ANGPT2: variants seen among roughly 807,000 people sequenced by gnomAD.
ANGPT2 encodes angiopoietin 2.
In ANGPT2, 28 loss-of-function variants were observed where a neutral mutation model predicts 62.9. That is an observed-to-expected ratio of 0.44 (90% CI 0.33 to 0.61). The LOEUF is 0.61. ANGPT2 is among the 20% of genes least tolerant of loss of function. The pLI is 0.03. For missense variants in ANGPT2, 727 were observed against 594.9 expected (o/e 1.22, Z -2.31); for synonymous variants, 284 against 207.8 (o/e 1.37, Z -3.15).
intron 7 of ANGPT2, among the ~76,000 whole-genome samples, chr8:6,510,247 G>A (rs540694405): frequency 6.6e-6 from 1 of 151,858 alleles, no homozygotes; most frequent in African/African-American, 2.4e-5. Context: ...GATCAGAGCA[G>A]GCATTCACGT....
intron 3 of ANGPT2, 147 bp from the exon 4 acceptor site, chr8:6,521,557 C>T (rs921816292): frequency 9.6e-6 from 6 of 623,690 alleles, no homozygotes; most frequent in Middle Eastern, 4.3e-4. Context: ...TAAGGAATCT[C>T]TGAAACTTGC....
chr8:6,538,275 C>G (rs563160592), intron 1 of ANGPT2, among the ~76,000 whole-genome samples: 1 of 152,090 alleles, frequency 6.6e-6, no homozygotes, highest in African/African-American at 2.4e-5. Flanking sequence ...ATCTGTCTTA[C>G]ACACACACAT....
intron 1 of ANGPT2, among the ~76,000 whole-genome samples, chr8:6,548,107 T>C (rs1329221446): frequency 6.6e-6 from 1 of 152,060 alleles, no homozygotes; most frequent in Non-Finnish European, 1.5e-5. Context: ...TACATTGGAG[T>C]TTTGGCTGCT....
chr8:6,537,128 G>C (rs1035870879), intron 1 of ANGPT2, among the ~76,000 whole-genome samples: 4 of 152,098 alleles, frequency 2.6e-5, no homozygotes, highest in Admixed American at 1.3e-4. Flanking sequence ...CCCGTGGGAG[G>C]GGACCCGGCT....
intron 7 of ANGPT2, among the ~76,000 whole-genome samples, chr8:6,512,938 T>C (rs2129567384): frequency 6.6e-6 from 1 of 152,334 alleles, no homozygotes; most frequent in East Asian, 1.9e-4. Context: ...GACTTTGAGA[T>C]TGAAGACAAT....
chr8:6,553,090 G>T (rs1308039091), intron 1 of ANGPT2, among the ~76,000 whole-genome samples: 1 of 152,074 alleles, frequency 6.6e-6, no homozygotes, highest in African/African-American at 2.4e-5. Context: ...GATGTCAACT[G>T]CGGGCTCTGG....
At chr8:6,559,497 G>A (rs1241839780) in intron 1 of ANGPT2, among the ~76,000 whole-genome samples, 1 of 152,116 alleles carries the variant, frequency 6.6e-6, no homozygotes, top group African/African-American at 2.4e-5. Flanking sequence ...TTCTTGTGTT[G>A]TTTAAAAAAC....
In ANGPT2 at chr8:6,505,778, T is replaced by TATATGTATATATAGAATATATATATTC. The variant is rs1563308394; in HGVS notation, c.1328-2518_1328-2517insGAATATATATATTCTATATATACATAT. The stretch of plus-strand genomic sequence containing the variant: ...CGTATATATAGAATATATATATTCT[T>TATATGTATATATAGAATATATATATTC]TATATATGTATATATAAAAACATGC... On this transcript the variant is annotated intron_variant, in intron 8 of 8. Transcript: ENST00000629816. 7.6e-4 allele frequency among the ~76,000 whole-genome samples: 90 copies of TATATGTATATATAGAATATATATATTC among 117,912 alleles called. 1 individual carries two copies. The highest frequency in any genetic ancestry group is 2.8e-3 in the African/African-American group (87 of 31,496). The allele number at this position is 117,912 out of a possible 152,430, so 77.4% of individuals were successfully genotyped here. A position where few individuals can be genotyped will look rare whatever the true frequency, so the allele number is the denominator to read the frequency against.
intron 8 of ANGPT2, among the ~76,000 whole-genome samples, chr8:6,504,204 G>A (rs961909157): frequency 2.7e-5 from 4 of 150,784 alleles, no homozygotes; most frequent in African/African-American, 7.3e-5. Flanking sequence ...TGTAGTCCCA[G>A]CTACTCGGGA....
intron 1 of ANGPT2, 61 bp downstream of exon 1, chr8:6,562,582 ACCTG>A: frequency 2.2e-5 from 2 of 90,548 alleles, no homozygotes; most frequent in Non-Finnish European, 2.0e-5. Context: ...GGTTGTTAAA[ACCTG>A]AGCTGCTGCC....
At chr8:6,557,722 T>C (rs1434102859) in intron 1 of ANGPT2, among the ~76,000 whole-genome samples, 1 of 144,558 alleles carries the variant, frequency 6.9e-6, no homozygotes, top group Non-Finnish European at 1.6e-5. Flanking sequence ...CACATACATA[T>C]ATACAGGGAG....
intron 2 of ANGPT2, among the ~76,000 whole-genome samples, chr8:6,531,349 C>T (rs1819478816): frequency 1.3e-5 from 2 of 150,706 alleles, no homozygotes; most frequent in South Asian, 2.1e-4. Context: ...AGTGCAGTGG[C>T]ACGATCTCAA....
chr8:6,528,670 C>G (rs1818851447), intron 2 of ANGPT2, among the ~76,000 whole-genome samples: 1 of 152,362 alleles, frequency 6.6e-6, no homozygotes, highest in African/African-American at 2.4e-5. Flanking sequence ...TGCCCTTCAG[C>G]AGGAAGAATC....
chr8:6,518,166 T>C (rs921630908), intron 5 of ANGPT2, among the ~76,000 whole-genome samples: 12 of 152,138 alleles, frequency 7.9e-5, no homozygotes, highest in African/African-American at 2.2e-4. Context: ...TGGGGCTGCA[T>C]GGTTAGCGGC....
chr8:6,517,417 C>T (rs1816474602), intron 5 of ANGPT2, among the ~76,000 whole-genome samples: 1 of 152,176 alleles, frequency 6.6e-6, no homozygotes, highest in Non-Finnish European at 1.5e-5. Flanking sequence ...AGGAAATGAC[C>T]ATACATGCTT....
intron 3 of ANGPT2, among the ~76,000 whole-genome samples, chr8:6,523,650 C>A (rs553308066): frequency 1.3e-5 from 2 of 152,058 alleles, no homozygotes; most frequent in South Asian, 4.2e-4. Context: ...TGTGCAGTGG[C>A]GCGATCTCAG....
At chr8:6,534,204 T>A (rs1342536451) in intron 1 of ANGPT2, among the ~76,000 whole-genome samples, 8 of 150,670 alleles carry the variant, frequency 5.3e-5, no homozygotes, top group African/African-American at 1.9e-4. Context: ...TCAATATATT[T>A]TAAAAAAAAA....
chr8:6,505,273 TA>T (rs1563305434), intron 8 of ANGPT2, among the ~76,000 whole-genome samples: 1 of 30,738 alleles, frequency 3.3e-5, no homozygotes, highest in African/African-American at 1.1e-4. Context: ...TATATATATG[TA>T]TACATATATA....
chr8:6,555,453 G>T (rs1824430065), intron 1 of ANGPT2, among the ~76,000 whole-genome samples: 1 of 149,946 alleles, frequency 6.7e-6, no homozygotes, highest in African/African-American at 2.5e-5. Context: ...GTTTTACGGG[G>T]GGTGGTTTGC....
Sources: allele counts gnomAD v4.1 joint callset (sites outside exome capture counted in the v4.1 genomes callset), GRCh38; gene constraint gnomAD v4.1.1; transcripts MANE v1.5; gene names NCBI Gene and HGNC (gene_info 2026-07-23, HGNC 2026-07-21).